Variants in CABIN1 observed in about 807,000 individuals in gnomAD.
CABIN1 encodes the protein calcineurin binding protein 1.
A neutral mutation model predicts 227.7 loss-of-function variants in CABIN1; 133 were observed. The observed-to-expected ratio is 0.58, with a 90% CI of 0.51 to 0.67. The LOEUF is 0.67. CABIN1 is among the 30% of genes least tolerant of loss of function. The pLI is 0.00. For missense variants in CABIN1, 2,408 were observed against 2,852.5 expected (o/e 0.84, Z 3.55); for synonymous variants, 1,086 against 1,155.1 (o/e 0.94, Z 1.21).
chr22:24,164,056 G>A (rs533135854), intron 29 of CABIN1, among the ~76,000 whole-genome samples: 1 of 152,332 alleles, frequency 6.6e-6, no homozygotes, highest in East Asian at 1.9e-4. Flanking sequence ...CCTGTGCAGG[G>A]AGGTGTACAC....
At chr22:24,158,503 G>A (rs1288382901) in intron 29 of CABIN1, among the ~76,000 whole-genome samples, 2 of 152,184 alleles carry the variant, frequency 1.3e-5, no homozygotes, top group Non-Finnish European at 2.9e-5. Context: ...GGTGATGTGG[G>A]AAAATACATG....
chr22:24,117,022 C>T (rs563982450), intron 27 of CABIN1, among the ~76,000 whole-genome samples: 38 of 152,256 alleles, frequency 2.5e-4, no homozygotes, highest in African/African-American at 8.4e-4. Context: ...ACATCCTGGC[C>T]GGGAAACGTG....
rs747404346 is a variant in CABIN1 at position 24,113,710 on chromosome 22, C to T, written c.4262C>T (p.Ala1421Val). The T allele has an allele frequency of 2.2e-5, 35 of 1,613,938 alleles. No individual in the cohort carries two copies. Among genetic ancestry groups the T allele is most frequent in the South Asian group, 3.3e-5 (3 of 91,080 alleles). Residue 1421 changes from alanine (A) to valine (V), a missense_variant, in exon 27 of 37, where the codon GCG becomes GTG. Around this residue, in one of 3 missense-constraint regions of CABIN1, gnomAD observed 649 missense variants for 910.3 expected, o/e 0.71. Coordinates refer to ENST00000263119, the MANE Select transcript of CABIN1 (RefSeq NM_012295.4). ...RLPILSSQAG[A>V]TGKDLQGATE... is the part of the protein sequence containing the mutation. The stretch of plus-strand genomic sequence containing the variant: ...CCCATTCTCAGTTCCCAAGCAGGAG[C>T]GACGGGTAAAGATCTTCAGGGGGCC...
intron 19 of CABIN1, among the ~76,000 whole-genome samples, chr22:24,077,493 G>T (rs529454990): frequency 7.2e-5 from 11 of 152,220 alleles, no homozygotes; most frequent in Non-Finnish European, 1.5e-4. Flanking sequence ...CCAGGTCCCT[G>T]TTGCTGGTTA....
intron 6 of CABIN1, among the ~76,000 whole-genome samples, chr22:24,043,701 G>A (rs567355772): frequency 5.0e-4 from 76 of 152,276 alleles, no homozygotes; most frequent in African/African-American, 1.8e-3. Context: ...GCAGTGAGTC[G>A]AGGTTGTGCA....
Position 24,150,699 on chromosome 22 carries a change from C to G in CABIN1, c.4747-13701C>G, listed in dbSNP as rs533751758. Among the ~76,000 whole-genome samples, 4 of 152,292 alleles carry G rather than the reference C, an allele frequency of 2.6e-5. No individual in the cohort carries two copies. In the South Asian group the frequency reaches 8.3e-4, roughly 32 times the overall value. ...CCAAACCCTGGTGGCTGAGAGAGTA[C>G]GTTTTGGCCACAGATAATCAGAGGC... is the stretch of plus-strand genomic sequence containing the variant. On this transcript the variant is annotated intron_variant, in intron 29 of 36. Coordinates refer to ENST00000263119, the MANE Select transcript of CABIN1 (RefSeq NM_012295.4).
chr22:24,016,145 A>C (rs1462564927), intron 1 of CABIN1, among the ~76,000 whole-genome samples: 3 of 152,218 alleles, frequency 2.0e-5, no homozygotes, highest in Non-Finnish European at 4.4e-5. Flanking sequence ...ATTAGCAGTT[A>C]CTTCCCATCC....
Position 24,081,220 on chromosome 22 carries a change from G to C in CABIN1, c.2749-2008G>C, listed in dbSNP as rs181430072. Among the ~76,000 whole-genome samples, 325 of 152,160 alleles carry C rather than the reference G, an allele frequency of 2.1e-3. 1 individual carries two copies. The highest frequency in any genetic ancestry group is 3.7e-3 in the Non-Finnish European group (252 of 67,994). ...ATGCAGACATCGTTCTTAACTCCCG[G>C]CCTACAAAACAGACAAGGGCAGGAT... On this transcript the variant is annotated intron_variant, in intron 19 of 36. Coordinates refer to ENST00000263119, the MANE Select transcript of CABIN1 (RefSeq NM_012295.4).
At chr22:24,088,094 G>A (rs1348313707) in intron 23 of CABIN1, among the ~76,000 whole-genome samples, 1 of 152,182 alleles carries the variant, frequency 6.6e-6, no homozygotes, top group Admixed American at 6.5e-5. Context: ...GATTTTTGAA[G>A]TCTCTCTTGG....
chr22:24,050,967 T>G lies in CABIN1; in HGVS notation c.799T>G (p.Phe267Val). The G allele has an allele frequency of 6.2e-7, 1 of 1,614,158 alleles. No individual in the cohort carries two copies. The highest frequency in any genetic ancestry group is 8.5e-7 in the Non-Finnish European group (1 of 1,180,030). ...CCTGAAACTTGTGCAGCCCATTCCT[T>G]TCTTCACGTAGGTTGTCTAGCGTCT... ...PDLKLVQPIP[F>V]FTWKCLGESL... is the part of the protein sequence containing the mutation. The change falls in exon 8 of 37, where the codon TTC (phenylalanine) becomes GTC (valine). Residue 267 changes from phenylalanine to valine, a missense_variant. Coordinates refer to ENST00000263119, the MANE Select transcript of CABIN1 (RefSeq NM_012295.4).
chr22:24,060,198 G>A (rs1337220774), intron 12 of CABIN1, 57 bp downstream of exon 12: 10 of 1,508,506 alleles, frequency 6.6e-6, no homozygotes, highest in Non-Finnish European at 8.2e-6. Context: ...ATGGGGACAG[G>A]GATCTTGCAT....
intron 8 of CABIN1, among the ~76,000 whole-genome samples, chr22:24,053,298 G>A (rs570863515): frequency 2.5e-4 from 38 of 151,790 alleles, no homozygotes; most frequent in African/African-American, 8.7e-4. Context: ...GGATGGTCTC[G>A]ATCTCCTGAC....
chr22:24,024,152 G>T (rs957565655), intron 1 of CABIN1, among the ~76,000 whole-genome samples: 1 of 151,702 alleles, frequency 6.6e-6, no homozygotes, highest in Non-Finnish European at 1.5e-5. Flanking sequence ...TTCTTCCATT[G>T]TGTGTGTTGT....
intron 34 of CABIN1, 110 bp from the exon 35 acceptor site, chr22:24,176,001 C>A: frequency 7.7e-7 from 1 of 1,290,628 alleles, no homozygotes; most frequent in Non-Finnish European, 1.1e-6. Flanking sequence ...GCCACACTCC[C>A]CTGCCCAGTG....
At chr22:24,111,082 C>G (rs1186688063) in intron 26 of CABIN1, among the ~76,000 whole-genome samples, 1 of 152,180 alleles carries the variant, frequency 6.6e-6, no homozygotes, top group Non-Finnish European at 1.5e-5. Flanking sequence ...CTCCTGTCCA[C>G]TCTTTTTCTC....
chr22:24,019,863 G>C (rs1383097733), intron 1 of CABIN1, among the ~76,000 whole-genome samples: 1 of 151,460 alleles, frequency 6.6e-6, no homozygotes, highest in Non-Finnish European at 1.5e-5. Context: ...CTCCATGTTG[G>C]TCAGGCTGGT....
chr22:24,150,215 C>T (rs899268032), intron 29 of CABIN1, among the ~76,000 whole-genome samples: 1 of 152,244 alleles, frequency 6.6e-6, no homozygotes, highest in Non-Finnish European at 1.5e-5. Flanking sequence ...CCACTTCCAG[C>T]TCTTAGCAGG....
At chr22:24,116,837 A>T (rs1488518705) in intron 27 of CABIN1, among the ~76,000 whole-genome samples, 1 of 152,252 alleles carries the variant, frequency 6.6e-6, no homozygotes, top group East Asian at 1.9e-4. Context: ...GATGTGGATC[A>T]GATGGCTCCT....
Position 24,067,016 on chromosome 22 carries a change from G to A in CABIN1, c.2067G>A (p.Arg689=), listed in dbSNP as rs1436249377. 2 of 1,614,260 alleles carry A rather than the reference G, an allele frequency of 1.2e-6. No individual in the cohort carries two copies. The highest frequency in any genetic ancestry group is 8.5e-7 in the Non-Finnish European group (1 of 1,180,042). ...EIDKNLKSLE[R]CQSLEEIQRL... Reference sequence around the variant, plus strand: ...ATAAGAACCTGAAGTCGCTGGAGCGGTGCCAGTCCCTGGAGGAGATTCAGC... The same window carrying A: ...ATAAGAACCTGAAGTCGCTGGAGCGATGCCAGTCCCTGGAGGAGATTCAGC... Residue 689 remains arginine, a synonymous_variant, in exon 16 of 37, where the codon CGG becomes CGA. Transcript: ENST00000263119.
Sources: gnomAD v4.1 joint callset for allele counts (sites outside exome capture counted in the v4.1 genomes callset) on GRCh38, gnomAD v4.1.1 for gene constraint, gnomAD v4.1.1 regional missense constraint, MANE v1.5 for transcripts, NCBI Gene and HGNC (gene_info 2026-07-23, HGNC 2026-07-21) for gene names.